WWOX: variants seen among roughly 807,000 people sequenced by gnomAD.
WWOX encodes the protein WW domain containing oxidoreductase, also known as WW domain-containing oxidoreductase.
Under a neutral mutation model 46.2 loss-of-function variants are expected in WWOX, and 69 were observed. That is an observed-to-expected ratio of 1.49 (90% CI 1.23 to 1.82). WWOX has a LOEUF of 1.82. Among genes scored for constraint, WWOX ranks in the 40% most tolerant of loss-of-function variants. The probability of loss-of-function intolerance (pLI) is 0.00; values close to 1 mark genes in which losing one functional copy is unlikely to be tolerated. For synonymous variants in WWOX, 359 were observed against 202.6 expected, an observed-to-expected ratio of 1.77 and a Z score of -6.56; for missense variants, 919 against 542.6, an observed-to-expected ratio of 1.69 and a Z score of -6.89.
intron 6 of WWOX, among the ~76,000 whole-genome samples, chr16:78,407,671 C>T (rs1248666468): frequency 6.6e-6 from 1 of 152,164 alleles, no homozygotes; most frequent in African/African-American, 2.4e-5. Context: ...ATGACTCTTT[C>T]TTGATCAACT....
At chr16:78,526,483 A>T (rs935103946) in intron 8 of WWOX, 1 of 152,238 alleles carries the variant, frequency 6.6e-6, no homozygotes, top group East Asian at 1.9e-4. Flanking sequence ...ATCCATTGCA[A>T]AATGAAAATA....
chr16:78,606,210 C>T (rs1328812774), intron 8 of WWOX, among the ~76,000 whole-genome samples: 2 of 152,188 alleles, frequency 1.3e-5, no homozygotes, highest in Non-Finnish European at 2.9e-5. Context: ...TGTAAAAACA[C>T]ATACTTCTTT....
intron 8 of WWOX, among the ~76,000 whole-genome samples, chr16:78,960,124 G>A (rs756987459): frequency 2.2e-4 from 33 of 152,278 alleles, no homozygotes; most frequent in Non-Finnish European, 1.6e-4. Context: ...TTGTGCTGTG[G>A]CTCAGAGGCA....
In WWOX at chr16:79,211,941, A is replaced by ATCTT; in HGVS notation, c.*146_*149dup. Reference sequence around the variant, plus strand: ...AAGAGCAGTCACAACAGAGTGAAAAATCTTAAGTACCAATGGGAAGCAGGG... The same window carrying ATCTT: ...AAGAGCAGTCACAACAGAGTGAAAAATCTTTCTTAAGTACCAATGGGAAGCAGGG... On this transcript the variant is annotated 3_prime_UTR_variant, in exon 9 of 9. Coordinates refer to ENST00000566780, the MANE Select transcript of WWOX (RefSeq NM_016373.4). 3.3e-6 allele frequency: 5 copies of ATCTT among 1,537,544 alleles called. No individual in the cohort carries two copies. The highest frequency in any genetic ancestry group is 4.4e-6 in the Non-Finnish European group (5 of 1,147,144).
chr16:79,115,446 C>T (rs988461463), intron 8 of WWOX, among the ~76,000 whole-genome samples: 3 of 23,242 alleles, frequency 1.3e-4, no homozygotes, highest in Admixed American at 7.3e-4. Context: ...GACCCAAAAC[C>T]CACAGGTGCT....
intron 5 of WWOX, among the ~76,000 whole-genome samples, chr16:78,288,357 G>C (rs1162851356): frequency 1.3e-5 from 2 of 151,366 alleles, no homozygotes; most frequent in Admixed American, 6.6e-5. Context: ...TCTGATGAGG[G>C]CCAGGACCTC....
chr16:79,117,516 T>G (rs1436307328), intron 8 of WWOX, among the ~76,000 whole-genome samples: 3 of 152,188 alleles, frequency 2.0e-5, no homozygotes, highest in Admixed American at 1.3e-4. Context: ...GGCTTCAACT[T>G]GAAGTCACCA....
chr16:78,327,917 C>T (rs1490180457), intron 5 of WWOX, among the ~76,000 whole-genome samples: 1 of 133,622 alleles, frequency 7.5e-6, no homozygotes, highest in Non-Finnish European at 1.5e-5. Context: ...TCTTCTGTTG[C>T]CCAGGCTGGA....
intron 5 of WWOX, among the ~76,000 whole-genome samples, chr16:78,369,703 A>G (rs948879948): frequency 1.2e-4 from 18 of 152,020 alleles, no homozygotes; most frequent in African/African-American, 4.3e-4. Flanking sequence ...GAGGATTAAT[A>G]AACACCATCA....
At chr16:78,969,721 T>C (rs762501136) in intron 8 of WWOX, among the ~76,000 whole-genome samples, 2 of 152,162 alleles carry the variant, frequency 1.3e-5, no homozygotes, top group South Asian at 2.1e-4. Context: ...GTTGAAAACA[T>C]TGTACTAATC....
chr16:78,651,816 CTGAT>C (rs1221437294), intron 8 of WWOX, among the ~76,000 whole-genome samples: 2 of 152,182 alleles, frequency 1.3e-5, no homozygotes, highest in African/African-American at 4.8e-5. Flanking sequence ...TTCTAACAAA[CTGAT>C]TGGTTGGACT....
intron 8 of WWOX, among the ~76,000 whole-genome samples, chr16:78,607,774 T>G (rs1296668034): frequency 2.6e-5 from 4 of 151,964 alleles, no homozygotes; most frequent in Non-Finnish European, 5.9e-5. Flanking sequence ...TTTCATTGCA[T>G]TTTCATATTT....
rs552833441 is a variant in WWOX at position 78,376,562 on chromosome 16, C to T, written c.517-10298C>T. 1.2e-4 allele frequency among the ~76,000 whole-genome samples: 19 copies of T among 152,192 alleles called. No individual in the cohort carries two copies. In the South Asian group the frequency reaches 2.9e-3, roughly 23 times the overall value. ...TAGCTGATGACCACTTGGGGTGAAC[C>T]GAAGTGCCTATGACAAACCACACGC... On this transcript the variant is annotated intron_variant, in intron 5 of 8. Transcript: ENST00000566780.
chr16:78,194,281 T>A (rs950995310), intron 5 of WWOX, among the ~76,000 whole-genome samples: 2 of 152,126 alleles, frequency 1.3e-5, no homozygotes, highest in Non-Finnish European at 2.9e-5. Flanking sequence ...TTTTTCTTTC[T>A]GTTTTTTAAT....
At chr16:78,827,695 G>A (rs933929385) in intron 8 of WWOX, among the ~76,000 whole-genome samples, 4 of 150,678 alleles carry the variant, frequency 2.7e-5, no homozygotes, top group Non-Finnish European at 5.9e-5. Flanking sequence ...AAAAAAATTA[G>A]CCAGGCATGG....
intron 8 of WWOX, among the ~76,000 whole-genome samples, chr16:78,666,650 C>G (rs545446504): frequency 1.8e-4 from 28 of 152,276 alleles, no homozygotes; most frequent in African/African-American, 5.1e-4. Context: ...TGCTGATTGG[C>G]AAGGTCATCT....
Position 78,765,813 on chromosome 16 carries a change from A to G in WWOX, c.1056+333061A>G, listed in dbSNP as rs79636979. ...CCTCTGTCAGAGAACTCATCGCACT[A>G]TTTCTGTCCTGCCCTGGGATGGTGG... On this transcript the variant is annotated intron_variant, in intron 8 of 8. Transcript: ENST00000566780. Among the ~76,000 whole-genome samples, 594 of 152,316 alleles carry G rather than the reference A, an allele frequency of 3.9e-3. 5 individuals carry two copies. Among genetic ancestry groups the G allele is most frequent in the African/African-American group, 0.013 (543 of 41,574 alleles).
chr16:78,784,999 A>G (rs1046664867), intron 8 of WWOX, among the ~76,000 whole-genome samples: 7 of 152,152 alleles, frequency 4.6e-5, no homozygotes, highest in South Asian at 2.1e-4. Context: ...GGAACATGAA[A>G]CCAGCTCGTA....
At position 79,065,483 on chromosome 16, in the gene WWOX, T is replaced by G. The variant is rs551714060; in HGVS notation, c.1057-146125T>G. Reference sequence around the variant, plus strand: ...TGCACTGGGTCAGCCTCAGTTCCAGTTGAATCACAAGTCCCAGGCCTAGGT... The same window carrying G: ...TGCACTGGGTCAGCCTCAGTTCCAGGTGAATCACAAGTCCCAGGCCTAGGT... On this transcript the variant is annotated intron_variant, in intron 8 of 8. Coordinates refer to ENST00000566780, the MANE Select transcript of WWOX (RefSeq NM_016373.4). 7.9e-5 allele frequency among the ~76,000 whole-genome samples: 12 copies of G among 152,270 alleles called. 1 individual carries two copies. The highest frequency in any genetic ancestry group is 2.9e-4 in the African/African-American group (12 of 41,552).
Sources: gnomAD v4.1 joint callset for allele counts (sites outside exome capture counted in the v4.1 genomes callset) on GRCh38, gnomAD v4.1.1 for gene constraint, MANE v1.5 for transcripts, NCBI Gene and HGNC (gene_info 2026-07-23, HGNC 2026-07-21) for gene names.